The following CUBN variants were observed in gnomAD, a reference collection of about 807,000 sequenced individuals.
CUBN encodes the protein cubilin.
In CUBN, 282 loss-of-function variants were observed where a neutral mutation model predicts 405.3. That is an observed-to-expected ratio of 0.70 (90% CI 0.63 to 0.77). CUBN has a LOEUF of 0.77. Among genes scored for constraint, CUBN ranks in the 30% least tolerant of loss-of-function variants. The pLI is 0.00. For synonymous variants in CUBN, 1,684 were observed against 1,617.0 expected, an observed-to-expected ratio of 1.04 and a Z score of -0.99; for missense variants, 4,514 against 4,475.2, an observed-to-expected ratio of 1.01 and a Z score of -0.25.
chr10:17,018,407 C>T (rs12248325), intron 28 of CUBN, among the ~76,000 whole-genome samples: 59 of 152,096 alleles, frequency 3.9e-4, no homozygotes, highest in African/African-American at 1.4e-3. Flanking sequence ...ATGGTGTGTC[C>T]GGATTTTGTT....
At chr10:17,014,271 C>T (rs1834264646) in intron 28 of CUBN, among the ~76,000 whole-genome samples, 1 of 152,188 alleles carries the variant, frequency 6.6e-6, no homozygotes, top group Non-Finnish European at 1.5e-5. Flanking sequence ...CCTGCTCTCT[C>T]TGTGATGTAT....
intron 27 of CUBN, among the ~76,000 whole-genome samples, chr10:17,022,636 G>C (rs1834529399): frequency 6.6e-6 from 1 of 152,206 alleles, no homozygotes; most frequent in African/African-American, 2.4e-5. Context: ...CAACCTTGCA[G>C]CCTGTGCTTC....
chr10:17,105,434 C>A, intron 11 of CUBN, 23 bp downstream of exon 11: 1 of 1,319,050 alleles, frequency 7.6e-7, no homozygotes, highest in Non-Finnish European at 1.1e-6. Context: ...ACTCTCTGTC[C>A]ACAGGAAAAA....
chr10:17,016,973 G>A (rs1170475773), intron 28 of CUBN, among the ~76,000 whole-genome samples: 1 of 152,130 alleles, frequency 6.6e-6, no homozygotes, highest in Non-Finnish European at 1.5e-5. Context: ...TCCCTCAGGT[G>A]GCCATTTATC....
At chr10:16,970,341 G>A (rs776880282) in intron 31 of CUBN, among the ~76,000 whole-genome samples, 7 of 152,150 alleles carry the variant, frequency 4.6e-5, no homozygotes, top group South Asian at 2.1e-4. Context: ...ATCAGAGGCC[G>A]AGGCGGGTGG....
intron 17 of CUBN, among the ~76,000 whole-genome samples, chr10:17,079,662 C>T (rs929205880): frequency 8.5e-5 from 13 of 152,126 alleles, no homozygotes; most frequent in African/African-American, 3.1e-4. Context: ...ACTATTCAGC[C>T]TATGTGGTGT....
chr10:16,953,681 C>A (rs115576772), intron 32 of CUBN, among the ~76,000 whole-genome samples: 516 of 152,048 alleles, frequency 3.4e-3, no homozygotes, highest in African/African-American at 0.012. Flanking sequence ...CAGAGCAGAT[C>A]CCATCTCTAA....
At chr10:17,026,697 A>G (rs1448753941) in intron 27 of CUBN, among the ~76,000 whole-genome samples, 1 of 152,204 alleles carries the variant, frequency 6.6e-6, no homozygotes, top group Non-Finnish European at 1.5e-5. Context: ...CATTGTGGAT[A>G]AGCAAAGCCC....
rs757735526 is a variant in CUBN at position 17,044,994 on chromosome 10, A to T, written c.3672+13T>A. 1 of 1,612,444 alleles carries T rather than the reference A, an allele frequency of 6.2e-7. No homozygotes were observed. The highest frequency in any genetic ancestry group is 1.1e-5 in the South Asian group (1 of 91,052). On this transcript the variant is annotated intron_variant, in intron 25 of 66. Coordinates refer to ENST00000377833, the MANE Select transcript of CUBN (RefSeq NM_001081.4). The stretch of plus-strand genomic sequence containing the variant: ...GGGAGCAGGGAACAATATGATGGAA[A>T]CATTATACATACAGCCAGGTAATCT...
In CUBN at chr10:16,899,625, G is replaced by A. The variant is rs139917632; in HGVS notation, c.8411-442C>T. ...ACTAGAGAAAGTGATTTTGAGTTGG[G>A]GAAAATTCTTTTATTAAGCAATCTG... On this transcript the variant is annotated intron_variant, in intron 53 of 66. Transcript: ENST00000377833. Among the ~76,000 whole-genome samples, 7 of 152,124 alleles carry A rather than the reference G, an allele frequency of 4.6e-5. No individual in the cohort carries two copies. The East Asian group carries it at 9.7e-4, about 21-fold the overall frequency.
chr10:17,000,971 G>A (rs1367922892), intron 28 of CUBN, among the ~76,000 whole-genome samples: 6 of 152,194 alleles, frequency 3.9e-5, no homozygotes, highest in Non-Finnish European at 8.8e-5. Flanking sequence ...AGTTCTTAAA[G>A]ATGGTGTGTC....
intron 60 of CUBN, among the ~76,000 whole-genome samples, chr10:16,842,512 C>T (rs552093128): frequency 6.6e-6 from 1 of 150,652 alleles, no homozygotes; most frequent in Admixed American, 6.6e-5. Flanking sequence ...TCTCTGATTC[C>T]TCTCTCTCTC....
intron 10 of CUBN, among the ~76,000 whole-genome samples, chr10:17,106,026 T>G (rs1836621605): frequency 6.6e-6 from 1 of 152,222 alleles, no homozygotes; most frequent in Admixed American, 6.5e-5. Flanking sequence ...GGCTCACGCC[T>G]GTAATCCCAG....
intron 48 of CUBN, among the ~76,000 whole-genome samples, chr10:16,910,007 C>T (rs1277303502): frequency 1.3e-5 from 2 of 152,220 alleles, no homozygotes; most frequent in Non-Finnish European, 2.9e-5. Context: ...AAGCTGCCTC[C>T]TCTGCACCAG....
chr10:16,968,568 T>C lies in CUBN; in HGVS notation c.4695+13916A>G, dbSNP rs1422197967. ...CCAATGATCTGAGCAAAGAGGATGC[T>C]GGAAGCAGAGGTCAGGAATCTCCAG... On this transcript the variant is annotated intron_variant, in intron 31 of 66. Coordinates refer to ENST00000377833, the MANE Select transcript of CUBN (RefSeq NM_001081.4). Among the ~76,000 whole-genome samples, 3 of 152,226 alleles carry C rather than the reference T, an allele frequency of 2.0e-5. No individual in the cohort carries two copies. The South Asian group carries it at 6.2e-4, about 32-fold the overall frequency.
At chr10:17,096,434 T>C (rs1407198737) in intron 14 of CUBN, among the ~76,000 whole-genome samples, 1 of 151,932 alleles carries the variant, frequency 6.6e-6, no homozygotes, top group Non-Finnish European at 1.5e-5. Flanking sequence ...TCAGTTAAGC[T>C]CCAATAAAGC....
chr10:17,091,580 G>T (rs1055021036), intron 14 of CUBN, among the ~76,000 whole-genome samples: 3 of 152,190 alleles, frequency 2.0e-5, no homozygotes, highest in Middle Eastern at 3.4e-3. Flanking sequence ...AGGTCTCAAT[G>T]AATAACTCAT....
chr10:16,939,756 T>TAACAC (rs60728182), intron 37 of CUBN, among the ~76,000 whole-genome samples: 2,541 of 152,226 alleles, frequency 0.017, 67 homozygotes, highest in African/African-American at 0.058. Flanking sequence ...TACCAGACTC[T>TAACAC]AACACAACGT....
At chr10:16,884,056 T>C (rs1433436379) in intron 56 of CUBN, among the ~76,000 whole-genome samples, 1 of 152,222 alleles carries the variant, frequency 6.6e-6, no homozygotes, top group South Asian at 2.1e-4. Context: ...CTTGGCTCAC[T>C]GCAAGCTCCG....
Sources: gnomAD v4.1 joint callset for allele counts (sites outside exome capture counted in the v4.1 genomes callset) on GRCh38, gnomAD v4.1.1 for gene constraint, MANE v1.5 for transcripts, NCBI Gene and HGNC (gene_info 2026-07-23, HGNC 2026-07-21) for gene names.